HOGA1: variants seen among roughly 807,000 people sequenced by gnomAD.
HOGA1 encodes the protein 4-hydroxy-2-oxoglutarate aldolase, mitochondrial.
A neutral mutation model predicts 34.3 loss-of-function variants in HOGA1; 30 were observed. The ratio of observed to expected loss-of-function variants is 0.87; its 90% confidence interval spans 0.65 to 1.19. HOGA1 has a LOEUF of 1.19. Ranked by LOEUF, HOGA1 falls within the 50% of genes most tolerant of loss-of-function variation. The pLI, the probability that HOGA1 is intolerant of heterozygous loss-of-function variation, is 0.00. For synonymous variants in HOGA1, 161 were observed against 174.0 expected, an observed-to-expected ratio of 0.93 and a Z score of 0.59; for missense variants, 417 against 436.5, an observed-to-expected ratio of 0.96 and a Z score of 0.40.
chr10:97,606,459 T>C (rs983588357), intron 6 of HOGA1, among the ~76,000 whole-genome samples: 1 of 152,238 alleles, frequency 6.6e-6, no homozygotes, highest in Non-Finnish European at 1.5e-5. Context: ...TTTTGTGTTT[T>C]TTTTCCCTAA....
intron 1 of HOGA1, chr10:97,590,617 G>A: frequency 6.4e-7 from 1 of 1,572,364 alleles, no homozygotes; most frequent in Non-Finnish European, 8.7e-7. Context: ...AGACGCCCCT[G>A]CCCCCAGCAA....
rs1405626011 is a variant in HOGA1 at position 97,603,125 on chromosome 10, C to T, written c.834+1135C>T. 1.3e-5 allele frequency among the ~76,000 whole-genome samples: 2 copies of T among 152,112 alleles called. No homozygotes were observed. The highest frequency in any genetic ancestry group is 4.8e-5 in the African/African-American group (2 of 41,410). On this transcript the variant is annotated intron_variant, in intron 6 of 6. Coordinates refer to ENST00000370646, the MANE Select transcript of HOGA1 (RefSeq NM_138413.4). The surrounding 1 kb of genome is among the most constrained non-coding windows in gnomAD (Gnocchi z 4.5). ...CGAGCAATTCTCCTGTCTCAGCTTC[C>T]CTAGTAGCTGGGATTACAGGCACGT...
intron 5 of HOGA1, 88 bp from the exon 6 acceptor site, chr10:97,601,768 TC>T: frequency 6.8e-7 from 1 of 1,479,934 alleles, no homozygotes; most frequent in Non-Finnish European, 9.4e-7. Context: ...GTATCTAATG[TC>T]CCCAGGCTGA....
chr10:97,608,458 T>C (rs1239464300), intron 6 of HOGA1, among the ~76,000 whole-genome samples: 1 of 152,210 alleles, frequency 6.6e-6, no homozygotes, highest in Admixed American at 6.5e-5. Flanking sequence ...GTTTCATTCA[T>C]TGTGGATATT....
intron 1 of HOGA1, among the ~76,000 whole-genome samples, chr10:97,592,660 G>A (rs1021897120): frequency 3.3e-5 from 5 of 152,096 alleles, no homozygotes; most frequent in South Asian, 4.2e-4. Context: ...TTTGATTATC[G>A]TTGTAATGCA....
At chr10:97,605,069 A>C (rs1246733293) in intron 6 of HOGA1, among the ~76,000 whole-genome samples, 1 of 152,184 alleles carries the variant, frequency 6.6e-6, no homozygotes, top group Non-Finnish European at 1.5e-5. Context: ...ATCGATACAC[A>C]GCAGTACAAA....
intron 6 of HOGA1, among the ~76,000 whole-genome samples, chr10:97,610,861 C>T (rs1323097164): frequency 6.6e-6 from 1 of 152,178 alleles, no homozygotes; most frequent in Non-Finnish European, 1.5e-5. Flanking sequence ...CCCCCATTAT[C>T]AGGGAAAAGC....
At chr10:97,598,021 A>G (rs994138273) in intron 1 of HOGA1, among the ~76,000 whole-genome samples, 5 of 152,266 alleles carry the variant, frequency 3.3e-5, no homozygotes, top group Non-Finnish European at 5.9e-5. Context: ...TTAACACACC[A>G]AAGTATCTGA....
chr10:97,607,105 T>TAA (rs754597119), intron 6 of HOGA1, among the ~76,000 whole-genome samples: 57,369 of 131,492 alleles, frequency 0.44, 14,514 homozygotes, highest in Non-Finnish European at 0.58. Context: ...CCCCATCTCT[T>TAA]AAAAAAAAAA....
chr10:97,590,616 T>A, intron 1 of HOGA1: 1 of 1,573,258 alleles, frequency 6.4e-7, no homozygotes, highest in Non-Finnish European at 8.7e-7. Flanking sequence ...GAGACGCCCC[T>A]GCCCCCAGCA....
chr10:97,598,857 G>T lies in HOGA1; in HGVS notation c.294G>T (p.Gln98His). 1 of 1,614,158 alleles carries T rather than the reference G, an allele frequency of 6.2e-7. No individual in the cohort carries two copies. The highest frequency in any genetic ancestry group is 8.5e-7 in the Non-Finnish European group (1 of 1,180,036). The change falls in exon 2 of 7, where the codon CAG becomes CAT. Residue 98 changes from glutamine (Q) to histidine (H), a missense_variant. By Grantham distance (24) the Gln-to-His change is conservative. Transcript: ENST00000370646. ...ERLEVVSRVR[Q>H]AMPKNRLLLA... ...TCGAGGTGGTGAGCCGTGTGCGCCA[G>T]GCCATGCCCAAGAACAGGCTCCTGC...
Position 97,611,497 on chromosome 10 carries a change from C to A in HOGA1, c.835-13C>A. On this transcript the variant is annotated splice_polypyrimidine_tract_variant and intron_variant, in intron 6 of 6. Transcript: ENST00000370646. ...AAATTTCTCAGTCTCTTCTAACAGG[C>A]CCTGCTTTGCAGGTGACCCGGCGCT... The A allele has an allele frequency of 6.2e-7, 1 of 1,614,166 alleles. No individual in the cohort carries two copies. The highest frequency in any genetic ancestry group is 8.5e-7 in the Non-Finnish European group (1 of 1,179,960).
At chr10:97,592,865 T>C (rs2041037824) in intron 1 of HOGA1, among the ~76,000 whole-genome samples, 1 of 151,346 alleles carries the variant, frequency 6.6e-6, no homozygotes, top group Non-Finnish European at 1.5e-5. Context: ...ACCTCGTCTC[T>C]ACTAAATATG....
Position 97,612,784 on chromosome 10 carries a change from T to C in HOGA1, c.*1125T>C, listed in dbSNP as rs529757568. On this transcript the variant is annotated 3_prime_UTR_variant, in exon 7 of 7. Transcript: ENST00000370646. Reference sequence around the variant, plus strand: ...AAAAATAGTCACTTTGTTACTATAATAAAATTTAACAGAAAAAATTAGTGT... The same window carrying C: ...AAAAATAGTCACTTTGTTACTATAACAAAATTTAACAGAAAAAATTAGTGT... 4.6e-5 allele frequency: 7 copies of C among 152,206 alleles called. No homozygotes were observed. Among genetic ancestry groups the C allele is most frequent in the Admixed American group, 6.5e-5 (1 of 15,286 alleles). 9.4% of individuals were successfully genotyped at this position (152,206 alleles called of 1,614,324 possible).
chr10:97,602,310 C>A, intron 6 of HOGA1: 1 of 1,280,998 alleles, frequency 7.8e-7, no homozygotes, highest in Non-Finnish European at 1.0e-6. Context: ...CCTAGGACCA[C>A]ACTTAGAGAT....
chr10:97,591,817 T>TTGTGTGTGTG (rs56742680), intron 1 of HOGA1, among the ~76,000 whole-genome samples: 1,308 of 111,052 alleles, frequency 0.012, 25 homozygotes, highest in Non-Finnish European at 0.014. Flanking sequence ...TTCTTTCATT[T>TTGTGTGTGTG]TGTGTGTGTG....
Position 97,598,874 on chromosome 10 carries a change from G to A in HOGA1, c.311G>A (p.Arg104Lys), listed in dbSNP as rs747381537. 6.2e-7 allele frequency: 1 copy of A among 1,614,156 alleles called. No homozygotes were observed. Among genetic ancestry groups the A allele is most frequent in the Admixed American group, 1.7e-5 (1 of 60,028 alleles). Residue 104 changes from arginine to lysine, a missense_variant, in exon 2 of 7, where the codon AGG becomes AAG. By Grantham distance (26) the Arg-to-Lys change is conservative (BLOSUM62 2). Coordinates refer to ENST00000370646, the MANE Select transcript of HOGA1 (RefSeq NM_138413.4). ...SRVRQAMPKN[R>K]LLLAGSGCES... Reference sequence around the variant, plus strand: ...GTGCGCCAGGCCATGCCCAAGAACAGGCTCCTGCTAGCTGGCTCCGGATGC... The same window carrying A: ...GTGCGCCAGGCCATGCCCAAGAACAAGCTCCTGCTAGCTGGCTCCGGATGC...
rs145450971 is a variant in HOGA1 at position 97,590,453 on chromosome 10, C to A, written c.211+5539C>A. 3.1e-6 allele frequency: 5 copies of A among 1,613,834 alleles called. No homozygotes were observed. In the South Asian group the frequency reaches 4.4e-5, roughly 14 times the overall value. On this transcript the variant is annotated intron_variant, in intron 1 of 6. Coordinates refer to ENST00000370646, the MANE Select transcript of HOGA1 (RefSeq NM_138413.4). The stretch of plus-strand genomic sequence containing the variant: ...GCTGCAAAAGAATTTCCTCACCCAG[C>A]GGGAAAACACCATAGCTGGTGCCAA...
At position 97,599,668 on chromosome 10, in the gene HOGA1, C is replaced by A. The variant is rs758619008; in HGVS notation, c.469-12C>A. On this transcript the variant is annotated splice_polypyrimidine_tract_variant and intron_variant, in intron 3 of 6. Coordinates refer to ENST00000370646, the MANE Select transcript of HOGA1 (RefSeq NM_138413.4). ...TGCCCTCTCCTGCTTTTCTCTGCGC[C>A]CCCCTCCCCAGGTTGCTGATCTCTC... The A allele has an allele frequency of 6.2e-7, 1 of 1,613,904 alleles. No individual in the cohort carries two copies.
Sources: gnomAD v4.1 joint callset for allele counts (sites outside exome capture counted in the v4.1 genomes callset) on GRCh38, gnomAD v4.1.1 for gene constraint, Gnocchi (gnomAD v3.1) non-coding constraint, MANE v1.5 for transcripts, NCBI Gene and HGNC (gene_info 2026-07-23, HGNC 2026-07-21) for gene names.